PPIP5K1: variants seen among roughly 807,000 people sequenced by gnomAD.
The protein encoded by PPIP5K1 is diphosphoinositol pentakisphosphate kinase 1.
PPIP5K1 carries 6 observed loss-of-function variants against 27.7 expected under a neutral mutation model. That is an observed-to-expected ratio of 0.22 (90% CI 0.12 to 0.43). The LOEUF (loss-of-function observed/expected upper bound fraction) is 0.43. Ranked by LOEUF, PPIP5K1 falls within the 20% of genes least tolerant of loss-of-function variation. The probability of loss-of-function intolerance (pLI) is 1.00; values close to 1 mark genes in which losing one functional copy is unlikely to be tolerated. For synonymous variants in PPIP5K1, 145 were observed against 242.6 expected (o/e 0.60, Z 3.74); for missense variants, 394 against 635.4 (o/e 0.62, Z 4.08).
chr15:43,558,991 C>T (rs1317551362), intron 29 of PPIP5K1, 59 bp from the exon 30 acceptor site: 25 of 1,601,856 alleles, frequency 1.6e-5, no homozygotes, highest in Non-Finnish European at 2.1e-5. Context: ...CCCCAACTGG[C>T]CAAGGAAGCA....
At chr15:43,537,342 C>T (rs2080000953) in intron 31 of PPIP5K1, 2 of 181,872 alleles carry the variant, frequency 1.1e-5, no homozygotes, top group African/African-American at 1.1e-4. Flanking sequence ...AAGACTCCAC[C>T]TCAAAAAAAA....
At chr15:43,554,043 C>T (rs940191421) in intron 30 of PPIP5K1, among the ~76,000 whole-genome samples, 3 of 152,142 alleles carry the variant, frequency 2.0e-5, no homozygotes, top group South Asian at 4.1e-4. Context: ...GCATTTTGGC[C>T]GAGGCAGGAG....
In PPIP5K1 at chr15:43,536,060, A is replaced by G. The variant is rs1206862637; in HGVS notation, c.3671-584T>C. The G allele has an allele frequency of 4.0e-6, 5 of 1,263,902 alleles. No homozygotes were observed. In the East Asian group the frequency reaches 2.3e-4, roughly 57 times the overall value. The allele number at this position is 1,263,902 out of a possible 1,614,324, so 78.3% of individuals were successfully genotyped here. On this transcript the variant is annotated intron_variant, in intron 31 of 31. Coordinates refer to ENST00000420765, the MANE Select transcript of PPIP5K1 (RefSeq NM_001394395.1). ...TGGGGCAGAGGTAATCATTATTTAT[A>G]GCCCAAATGATAAGTTGGCAGAAGA...
At chr15:43,555,068 C>T (rs2082760718) in intron 30 of PPIP5K1, among the ~76,000 whole-genome samples, 1 of 152,076 alleles carries the variant, frequency 6.6e-6, no homozygotes, top group Non-Finnish European at 1.5e-5. Flanking sequence ...AACTCCTGAC[C>T]TCAAGTGGTC....
At chr15:43,559,951 C>A (rs1857975480) in intron 29 of PPIP5K1, among the ~76,000 whole-genome samples, 4 of 151,886 alleles carry the variant, frequency 2.6e-5, no homozygotes, top group African/African-American at 4.8e-5. Context: ...AGGATTATAG[C>A]CTGACCATCT....
intron 30 of PPIP5K1, among the ~76,000 whole-genome samples, chr15:43,550,143 C>CT (rs548798606): frequency 2.1e-3 from 316 of 148,024 alleles, no homozygotes; most frequent in Non-Finnish European, 3.9e-3. Flanking sequence ...TTTTTTCTTT[C>CT]TTTTTTTTTT....
At position 43,558,837 on chromosome 15, in the gene PPIP5K1, C is replaced by T. The variant is rs1460287290; in HGVS notation, c.3514G>A (p.Val1172Ile). ...TGGGCATCAGTGTGGCGCTGGCAGA[C>T]TCTACTCAAGAATTCACTCACTTGA... is the stretch of plus-strand genomic sequence containing the variant. ...LRQVSEFLSR[V>I]CQRHTDAQAQ... The change falls in exon 30 of 32, where the codon GTC (valine) becomes ATC (isoleucine). Residue 1172 changes from valine (V) to isoleucine (I), a missense_variant. Physicochemically the swap from Val to Ile is conservative, Grantham distance 29. Around this residue, in one of 4 missense-constraint regions of PPIP5K1, gnomAD observed 379 missense variants for 423.9 expected, o/e 0.89. Coordinates refer to ENST00000420765, the MANE Select transcript of PPIP5K1 (RefSeq NM_001394395.1). 5 of 1,614,028 alleles carry T rather than the reference C, an allele frequency of 3.1e-6. No individual in the cohort carries two copies. The highest frequency in any genetic ancestry group is 2.2e-5 in the East Asian group (1 of 44,896).
intron 30 of PPIP5K1, among the ~76,000 whole-genome samples, chr15:43,545,162 A>G (rs1228406635): frequency 6.6e-6 from 1 of 151,378 alleles, no homozygotes; most frequent in Non-Finnish European, 1.5e-5. Flanking sequence ...TGGGCGACAG[A>G]GCAAGAGTCC....
In PPIP5K1 at chr15:43,558,790, C is replaced by T. The variant is rs1368598414; in HGVS notation, c.3556+5G>A. On this transcript the variant is annotated splice_donor_5th_base_variant and intron_variant, in intron 30 of 31. Coordinates refer to ENST00000420765, the MANE Select transcript of PPIP5K1 (RefSeq NM_001394395.1). ...AGAAGGGTAAAAAAATAAGAATATC[C>T]CTACCTGCAGATGCCTGTGCCTGGG... 9 of 1,613,552 alleles carry T rather than the reference C, an allele frequency of 5.6e-6. No homozygotes were observed. The highest frequency in any genetic ancestry group is 2.7e-5 in the African/African-American group (2 of 74,904).
intron 10 of PPIP5K1, among the ~76,000 whole-genome samples, chr15:43,579,880 A>G (rs1281310133): frequency 2.3e-4 from 1 of 4,330 alleles, no homozygotes; most frequent in African/African-American, 3.8e-3. Flanking sequence ...CACTCTTGTC[A>G]CCCAGGCTGG....
intron 30 of PPIP5K1, among the ~76,000 whole-genome samples, chr15:43,555,579 C>T (rs552646422): frequency 2.0e-5 from 3 of 152,018 alleles, no homozygotes; most frequent in African/African-American, 7.2e-5. Flanking sequence ...AGCCACCATG[C>T]CTGGCTGAAT....
chr15:43,536,169 A>C (rs1397346612), intron 31 of PPIP5K1: 2 of 1,148,728 alleles, frequency 1.7e-6, no homozygotes, highest in East Asian at 1.2e-4. Flanking sequence ...CTGTAATCCC[A>C]GCACTTTGGG....
chr15:43,557,245 A>T (rs1963455), intron 30 of PPIP5K1, among the ~76,000 whole-genome samples: 1 of 152,096 alleles, frequency 6.6e-6, no homozygotes, highest in Admixed American at 6.5e-5. Context: ...TCAGGAGTTC[A>T]AGACCAGCCT....
intron 26 of PPIP5K1, among the ~76,000 whole-genome samples, chr15:43,567,119 T>G (rs1444036560): frequency 1.2e-5 from 1 of 86,660 alleles, no homozygotes; most frequent in Non-Finnish European, 2.0e-5. Flanking sequence ...TTGTTTCGGG[T>G]TTTTTTTTTT....
At chr15:43,549,661 A>C (rs1291037445) in intron 30 of PPIP5K1, among the ~76,000 whole-genome samples, 3 of 150,832 alleles carry the variant, frequency 2.0e-5, no homozygotes, top group Admixed American at 6.6e-5. Flanking sequence ...TTAAAAAAAA[A>C]ATCTTTATAC....
chr15:43,539,374 C>A, intron 31 of PPIP5K1, 96 bp downstream of exon 31: 2 of 892,440 alleles, frequency 2.2e-6, no homozygotes, highest in Non-Finnish European at 3.6e-6. Flanking sequence ...GTCTTTCAAG[C>A]CCCACCTTCT....
At position 43,534,688 on chromosome 15, in the gene PPIP5K1, CA is replaced by C. The variant is rs1220094062; in HGVS notation, c.4458del (p.Glu1487ArgfsTer3). On this transcript the variant is annotated frameshift_variant, in exon 32 of 32. Transcript: ENST00000420765. LOFTEE classifies it high-confidence loss of function. ...EEIDLQAQEV[P>X]EEIN ...ACCCAGGACTTCTAATTTATCTCCT[CA>C]GGGACCTCCTGGGCCTGCAGATCAA... 2.0e-6 allele frequency: 3 copies of C among 1,524,920 alleles called. No individual in the cohort carries two copies. The African/African-American group carries it at 4.2e-5, about 21-fold the overall frequency. 94.5% of individuals were successfully genotyped at this position (1,524,920 alleles called of 1,614,324 possible). A position where few individuals can be genotyped will look rare whatever the true frequency, so the allele number is the denominator to read the frequency against.
chr15:43,554,348 T>G (rs984351620), intron 30 of PPIP5K1, among the ~76,000 whole-genome samples: 3 of 152,136 alleles, frequency 2.0e-5, no homozygotes, highest in African/African-American at 7.2e-5. Context: ...GACAGGGTCT[T>G]GCTATGTTCC....
At chr15:43,544,456 A>G (rs2081129724) in intron 30 of PPIP5K1, among the ~76,000 whole-genome samples, 1 of 152,164 alleles carries the variant, frequency 6.6e-6, no homozygotes, top group Non-Finnish European at 1.5e-5. Flanking sequence ...GTCATTTCCA[A>G]TATTTTGCCA....
Sources: allele counts gnomAD v4.1 joint callset (sites outside exome capture counted in the v4.1 genomes callset), GRCh38; gene constraint gnomAD v4.1.1; regional missense constraint gnomAD v4.1.1; transcripts MANE v1.5; gene names NCBI Gene and HGNC (gene_info 2026-07-23, HGNC 2026-07-21).